DPP10: variants seen among roughly 807,000 people sequenced by gnomAD.
The protein encoded by DPP10 is inactive dipeptidyl peptidase 10.
Under a neutral mutation model 120.9 loss-of-function variants are expected in DPP10, and 33 were observed. That is an observed-to-expected ratio of 0.27 (90% CI 0.21 to 0.37). The LOEUF (loss-of-function observed/expected upper bound fraction) is 0.37, where lower values mean the gene tolerates loss of function less well. Among genes scored for constraint, DPP10 ranks in the 10% least tolerant of loss-of-function variants. DPP10 has a pLI of 1.00. For missense variants in DPP10, 816 were observed against 942.8 expected, an observed-to-expected ratio of 0.87 and a Z score of 1.76; for synonymous variants, 337 against 326.1, an observed-to-expected ratio of 1.03 and a Z score of -0.36.
chr2:115,367,601 G>A (rs1460023053), intron 3 of DPP10, among the ~76,000 whole-genome samples: 2 of 151,832 alleles, frequency 1.3e-5, no homozygotes, highest in East Asian at 3.9e-4. Context: ...ATTAAAATAT[G>A]TCTTATAATT....
At chr2:115,803,255 C>T (rs1013383449) in intron 19 of DPP10, among the ~76,000 whole-genome samples, 5 of 152,004 alleles carry the variant, frequency 3.3e-5, no homozygotes, top group Admixed American at 2.6e-4. Flanking sequence ...GATTGCAACC[C>T]CTGTCTTTTT....
At chr2:115,038,578 C>T (rs1559022948) in intron 1 of DPP10, among the ~76,000 whole-genome samples, 1 of 152,090 alleles carries the variant, frequency 6.6e-6, no homozygotes, top group Non-Finnish European at 1.5e-5. Context: ...CACCCAGCCT[C>T]AGCACATATT....
intron 1 of DPP10, among the ~76,000 whole-genome samples, chr2:115,044,823 G>A (rs761622335): frequency 1.3e-5 from 2 of 151,974 alleles, no homozygotes; most frequent in African/African-American, 2.4e-5. Context: ...ATCTCCATAG[G>A]TTCAATTGTT....
intron 2 of DPP10, among the ~76,000 whole-genome samples, chr2:115,317,425 A>G (rs1331394779): frequency 6.6e-6 from 1 of 152,086 alleles, no homozygotes; most frequent in Non-Finnish European, 1.5e-5. Context: ...AGATTGTGCT[A>G]CTGTGAACCT....
At chr2:115,158,510 A>C (rs2052069093) in intron 1 of DPP10, among the ~76,000 whole-genome samples, 1 of 152,212 alleles carries the variant, frequency 6.6e-6, no homozygotes, top group Non-Finnish European at 1.5e-5. Flanking sequence ...GATTTGAGGT[A>C]ATCCATTTTC....
chr2:115,411,587 GC>G (rs1432107317), intron 3 of DPP10, among the ~76,000 whole-genome samples: 2 of 152,168 alleles, frequency 1.3e-5, no homozygotes, highest in African/African-American at 4.8e-5. Context: ...TTACGGAGAA[GC>G]AAGGATTTTA....
At chr2:114,878,684 T>G (rs1195130083) in intron 1 of DPP10, among the ~76,000 whole-genome samples, 1 of 152,090 alleles carries the variant, frequency 6.6e-6, no homozygotes. Context: ...ACATGAGCTA[T>G]CCATCCTTAT....
At chr2:114,663,670 G>GAGAGAGAGAGAGAGAGAA (rs1558981050) in intron 1 of DPP10, among the ~76,000 whole-genome samples, 4 of 109,478 alleles carry the variant, frequency 3.7e-5, no homozygotes, top group African/African-American at 1.5e-4. Flanking sequence ...TATATATATA[G>GAGAGAGAGAGAGAGAGAA]AGAGAGAGAG....
chr2:114,712,779 A>T (rs191272240), intron 1 of DPP10, among the ~76,000 whole-genome samples: 9 of 152,254 alleles, frequency 5.9e-5, no homozygotes, highest in Admixed American at 2.6e-4. Context: ...TATTTTCAAA[A>T]TTTCTTTTTA....
intron 1 of DPP10, among the ~76,000 whole-genome samples, chr2:114,950,441 C>T (rs1697696052): frequency 6.6e-6 from 1 of 150,998 alleles, no homozygotes; most frequent in African/African-American, 2.4e-5. Flanking sequence ...ACTACAGGTT[C>T]CCGCCACCAC....
chr2:115,372,592 C>G (rs1300594408), intron 3 of DPP10, among the ~76,000 whole-genome samples: 1 of 152,176 alleles, frequency 6.6e-6, no homozygotes, highest in Non-Finnish European at 1.5e-5. Context: ...GTGGGACTAT[C>G]ACACACCCAG....
chr2:115,634,421 T>C (rs1196016300), intron 5 of DPP10, among the ~76,000 whole-genome samples: 1 of 152,218 alleles, frequency 6.6e-6, no homozygotes, highest in East Asian at 1.9e-4. Flanking sequence ...ATTGTTATTG[T>C]TGCTTTCTGT....
intron 3 of DPP10, among the ~76,000 whole-genome samples, chr2:115,440,554 C>T (rs1269984358): frequency 6.6e-6 from 1 of 152,286 alleles, no homozygotes; most frequent in Admixed American, 6.5e-5. Flanking sequence ...ATTAAGCCGG[C>T]GGCCAAAGAG....
chr2:114,964,431 A>G (rs1166927782), intron 1 of DPP10, among the ~76,000 whole-genome samples: 1 of 152,130 alleles, frequency 6.6e-6, no homozygotes, highest in Non-Finnish European at 1.5e-5. Context: ...GTAAATAAGA[A>G]AAAAAGAACT....
intron 1 of DPP10, among the ~76,000 whole-genome samples, chr2:114,467,712 G>A (rs926445559): frequency 6.6e-6 from 1 of 152,042 alleles, no homozygotes; most frequent in Non-Finnish European, 1.5e-5. Flanking sequence ...AATAATACTA[G>A]CTCCTGGCCA....
chr2:115,569,485 A>G (rs1350751491), intron 5 of DPP10, among the ~76,000 whole-genome samples: 1 of 152,238 alleles, frequency 6.6e-6, no homozygotes, highest in Non-Finnish European at 1.5e-5. Context: ...TATTAATTAT[A>G]CTTGGTAGAA....
intron 1 of DPP10, among the ~76,000 whole-genome samples, chr2:114,783,314 T>A (rs184341787): frequency 9.4e-4 from 143 of 152,156 alleles, no homozygotes; most frequent in South Asian, 2.9e-3. Context: ...CAAATATGCA[T>A]CAGAATTAAA....
chr2:114,821,036 C>T (rs1229668204), intron 1 of DPP10, among the ~76,000 whole-genome samples: 9 of 152,060 alleles, frequency 5.9e-5, no homozygotes, highest in Admixed American at 5.9e-4. Context: ...GAAGCAGATC[C>T]CTGGTACACA....
intron 1 of DPP10, among the ~76,000 whole-genome samples, chr2:114,945,277 T>C (rs546157961): frequency 6.6e-6 from 1 of 152,346 alleles, no homozygotes; most frequent in Non-Finnish European, 1.5e-5. Context: ...CTCTGGAAGA[T>C]AATGTTAAGA....
Sources: gnomAD v4.1 joint callset for allele counts (sites outside exome capture counted in the v4.1 genomes callset) on GRCh38, gnomAD v4.1.1 for gene constraint, MANE v1.5 for transcripts, NCBI Gene and HGNC (gene_info 2026-07-23, HGNC 2026-07-21) for gene names.